BAAT: variants seen among roughly 807,000 people sequenced by gnomAD.
BAAT encodes the protein bile acid-CoA:amino acid N-acyltransferase.
BAAT carries 13 observed loss-of-function variants against 18.9 expected under a neutral mutation model. The observed-to-expected ratio is 0.69, with a 90% CI of 0.45 to 1.10. The LOEUF (loss-of-function observed/expected upper bound fraction) is 1.10, where lower values mean the gene tolerates loss of function less well. Ranked by LOEUF, BAAT falls within the 50% of genes least tolerant of loss-of-function variation. The probability of loss-of-function intolerance (pLI) is 0.00; values close to 1 mark genes in which losing one functional copy is unlikely to be tolerated. For synonymous variants in BAAT, 170 were observed against 190.7 expected (o/e 0.89, Z 0.89); for missense variants, 489 against 504.0 (o/e 0.97, Z 0.28).
rs1224231249 is a variant in BAAT, at chr9:101,371,552, G to A, written c.-59-89C>T. ...TTGAATCAGCAGTCAGACCACTTAG[G>A]AGTCAGTTCTAACCCTCTAGTTCTT... On this transcript the variant is annotated intron_variant, in intron 1 of 3. Coordinates refer to ENST00000259407, the MANE Select transcript of BAAT (RefSeq NM_001701.4). 8.6e-6 allele frequency: 7 copies of A among 811,084 alleles called. No homozygotes were observed. In the East Asian group the frequency reaches 1.9e-4, roughly 21 times the overall value. 50.2% of individuals were successfully genotyped at this position (811,084 alleles called of 1,614,324 possible).
chr9:101,384,539 A>C (rs187997498), intron 1 of BAAT, among the ~76,000 whole-genome samples: 1 of 152,338 alleles, frequency 6.6e-6, no homozygotes, highest in African/African-American at 2.4e-5. Flanking sequence ...TTTGGAAAGC[A>C]ATTGGACATT....
intron 3 of BAAT, among the ~76,000 whole-genome samples, chr9:101,363,660 C>A (rs1341760): frequency 0.8 from 121,758 of 151,352 alleles, 49,172 homozygotes; most frequent in Non-Finnish European, 0.84. Context: ...AAAAAACACA[C>A]CAGATGATTG....
At chr9:101,365,751 C>G (rs1224986966) in intron 3 of BAAT, among the ~76,000 whole-genome samples, 1 of 152,090 alleles carries the variant, frequency 6.6e-6, no homozygotes, top group Non-Finnish European at 1.5e-5. Flanking sequence ...CCAGGCTGGT[C>G]TTGAACCCCT....
At chr9:101,366,827 T>C (rs1346544782) in intron 3 of BAAT, among the ~76,000 whole-genome samples, 1 of 151,516 alleles carries the variant, frequency 6.6e-6, no homozygotes, top group Non-Finnish European at 1.5e-5. Flanking sequence ...AAACATGTAG[T>C]ATGGAGATTT....
At chr9:101,383,142 G>A (rs1349737795) in intron 1 of BAAT, among the ~76,000 whole-genome samples, 2 of 152,108 alleles carry the variant, frequency 1.3e-5, no homozygotes, top group Non-Finnish European at 1.5e-5. Context: ...ATGGGGATGG[G>A]GAAGACAGAA....
intron 3 of BAAT, among the ~76,000 whole-genome samples, chr9:101,366,461 G>A (rs79829632): frequency 0.037 from 5,662 of 152,178 alleles, 145 homozygotes; most frequent in Middle Eastern, 0.078. Context: ...ATGTGAAGTA[G>A]GTTTAATGGA....
chr9:101,381,788 G>A (rs1330491725), intron 1 of BAAT, among the ~76,000 whole-genome samples: 4 of 152,172 alleles, frequency 2.6e-5, no homozygotes, highest in African/African-American at 7.2e-5. Flanking sequence ...ATTCAGTGGT[G>A]AGTAAACATT....
intron 1 of BAAT, among the ~76,000 whole-genome samples, chr9:101,380,284 C>T (rs1237873080): frequency 6.6e-6 from 1 of 152,206 alleles, no homozygotes; most frequent in African/African-American, 2.4e-5. Flanking sequence ...CATATTCCTG[C>T]TGAAGCATGT....
intron 1 of BAAT, among the ~76,000 whole-genome samples, chr9:101,382,515 A>C (rs934962612): frequency 3.9e-5 from 6 of 152,188 alleles, no homozygotes; most frequent in Non-Finnish European, 7.3e-5. Flanking sequence ...ATAAAATCCT[A>C]GGTTCAAGGA....
chr9:101,367,619 T>C (rs1160186642), intron 3 of BAAT, among the ~76,000 whole-genome samples: 1 of 151,882 alleles, frequency 6.6e-6, no homozygotes, highest in East Asian at 1.9e-4. Context: ...GCTAAGTAAG[T>C]GGGACTACAG....
intron 3 of BAAT, among the ~76,000 whole-genome samples, chr9:101,365,297 A>T (rs1829807403): frequency 6.6e-6 from 1 of 152,062 alleles, no homozygotes; most frequent in African/African-American, 2.4e-5. Context: ...AATGTTTGGG[A>T]TATTTTCCCT....
intron 3 of BAAT, among the ~76,000 whole-genome samples, chr9:101,364,456 A>G (rs1829792415): frequency 6.6e-6 from 1 of 152,190 alleles, no homozygotes; most frequent in African/African-American, 2.4e-5. Context: ...CCAAAGTTTG[A>G]ACCACCTATC....
chr9:101,363,086 C>A, intron 3 of BAAT, 71 bp from the exon 4 acceptor site: 2 of 1,410,676 alleles, frequency 1.4e-6, no homozygotes, highest in Non-Finnish European at 2.0e-6. Flanking sequence ...CTCAAACAAC[C>A]AAAGAACTTC....
At chr9:101,367,125 A>G (rs1238201195) in intron 3 of BAAT, among the ~76,000 whole-genome samples, 2 of 151,618 alleles carry the variant, frequency 1.3e-5, no homozygotes, top group African/African-American at 2.4e-5. Context: ...AGAAAAAAAA[A>G]AAAAAAAAAG....
chr9:101,369,404 A>G (rs558826443), intron 2 of BAAT, among the ~76,000 whole-genome samples: 1 of 152,320 alleles, frequency 6.6e-6, no homozygotes, highest in African/African-American at 2.4e-5. Flanking sequence ...AAAAGTACTG[A>G]GTCTTTTATC....
Position 101,361,441 on chromosome 9 carries a change from G to A in BAAT, c.*987C>T, listed in dbSNP as rs1415597482. 6.6e-6 allele frequency: 1 copy of A among 152,622 alleles called. No individual in the cohort carries two copies. The allele number at this position is 152,622 out of a possible 1,614,324, so 9.5% of individuals were successfully genotyped here. A position where few individuals can be genotyped will look rare whatever the true frequency, so the allele number is the denominator to read the frequency against. ...AGGACTGTACAGCAAACAACCATGT[G>A]GTTGAATTACATGCAGTCCTCATAT... On this transcript the variant is annotated 3_prime_UTR_variant, in exon 4 of 4. Coordinates refer to ENST00000259407, the MANE Select transcript of BAAT (RefSeq NM_001701.4).
At chr9:101,364,708 C>A (rs1829797490) in intron 3 of BAAT, among the ~76,000 whole-genome samples, 1 of 152,146 alleles carries the variant, frequency 6.6e-6, no homozygotes, top group South Asian at 2.1e-4. Flanking sequence ...AAAACACCAA[C>A]TTTATGGTGC....
chr9:101,368,008 T>C, intron 3 of BAAT, 112 bp downstream of exon 3: 1 of 1,122,650 alleles, frequency 8.9e-7, no homozygotes, highest in South Asian at 1.3e-5. Context: ...TGTCAGATCA[T>C]GCCACTGCAC....
Position 101,362,657 on chromosome 9 carries a change from T to G in BAAT, c.1028A>C (p.Gln343Pro), listed in dbSNP as rs756749367. Residue 343 changes from glutamine (Q) to proline (P), a missense_variant, in exon 4 of 4, where the codon CAG becomes CCG. Coordinates refer to ENST00000259407, the MANE Select transcript of BAAT (RefSeq NM_001701.4). ...GTTGTTCTTCCCATGTCTCTTCAGC[T>G]GTCCTATGGCTTGTTCAGCGTGTGC... ...SKAHAEQAIG[Q>P]LKRHGKNNWT... 1 of 1,614,082 alleles carries G rather than the reference T, an allele frequency of 6.2e-7. No homozygotes were observed.
Sources: allele counts gnomAD v4.1 joint callset (sites outside exome capture counted in the v4.1 genomes callset), GRCh38; gene constraint gnomAD v4.1.1; transcripts MANE v1.5; gene names NCBI Gene and HGNC (gene_info 2026-07-23, HGNC 2026-07-21).